Variants in SMAD2 observed in about 807,000 individuals in gnomAD.
The protein encoded by SMAD2 is MAD homolog 2.
Under a neutral mutation model 64.4 loss-of-function variants are expected in SMAD2, and 8 were observed. The observed-to-expected ratio is 0.12, with a 90% CI of 0.07 to 0.22. The LOEUF (loss-of-function observed/expected upper bound fraction) is 0.22. SMAD2 is among the 10% of genes least tolerant of loss of function. The probability of loss-of-function intolerance (pLI) is 1.00; values close to 1 mark genes in which losing one functional copy is unlikely to be tolerated. For missense variants in SMAD2, 289 were observed against 561.2 expected, an observed-to-expected ratio of 0.51 and a Z score of 4.90; for synonymous variants, 203 against 195.8, an observed-to-expected ratio of 1.04 and a Z score of -0.31.
chr18:47,855,135 A>C (rs1163816611), intron 6 of SMAD2, among the ~76,000 whole-genome samples: 1 of 152,226 alleles, frequency 6.6e-6, no homozygotes, highest in Admixed American at 6.5e-5. Flanking sequence ...AAACTGACTT[A>C]AGCAAAATAA....
chr18:47,881,909 G>C (rs941783531), intron 2 of SMAD2, among the ~76,000 whole-genome samples: 2 of 151,978 alleles, frequency 1.3e-5, no homozygotes, highest in African/African-American at 4.8e-5. Context: ...ACAGGGTCTT[G>C]CTCTGTCACC....
In SMAD2 at chr18:47,830,030, CACT is replaced by C. The variant is rs1368404085; in HGVS notation, c.*11794_*11796del. 1 of 152,138 alleles carries C rather than the reference CACT, an allele frequency of 6.6e-6. No homozygotes were observed. 9.4% of individuals were successfully genotyped at this position (152,138 alleles called of 1,614,324 possible). ...CAAGAATCCACAGTGGTTTGCAGGC[CACT>C]AATTCTTTTACAGATGAAAGCATTC... On this transcript the variant is annotated 3_prime_UTR_variant, in exon 11 of 11. Transcript: ENST00000262160.
Position 47,896,605 on chromosome 18 carries a change from T to G in SMAD2, c.152A>C (p.Lys51Thr). 6.2e-7 allele frequency: 1 copy of G among 1,614,192 alleles called. No individual in the cohort carries two copies. Among genetic ancestry groups the G allele is most frequent in the Non-Finnish European group, 8.5e-7 (1 of 1,180,018 alleles). ...ATCTAATCGTCCTGTTTTCTTTAGC[T>G]TCTTCACCAGACTTTTCACTGCTTT... The part of the protein sequence containing the change: ...CEKAVKSLVK[K>T]LKKTGRLDEL... Residue 51 changes from lysine (K) to threonine (T), a missense_variant, in exon 2 of 11, where the codon AAG becomes ACG. Coordinates refer to ENST00000262160, the MANE Select transcript of SMAD2 (RefSeq NM_005901.6).
At chr18:47,885,130 TATACACACACACACACAC>T (rs1434193983) in intron 2 of SMAD2, among the ~76,000 whole-genome samples, 5 of 64,272 alleles carry the variant, frequency 7.8e-5, no homozygotes, top group East Asian at 4.2e-4. Context: ...GATTTAGTCA[TATACACACACACACACAC>T]ACACACACAC....
At chr18:47,886,131 C>T (rs1256251013) in intron 2 of SMAD2, among the ~76,000 whole-genome samples, 2 of 152,172 alleles carry the variant, frequency 1.3e-5, no homozygotes, top group East Asian at 3.8e-4. Context: ...GATTACAATA[C>T]AGAATGTGAT....
In SMAD2 at chr18:47,830,924, G is replaced by A. The variant is rs1318523042; in HGVS notation, c.*10903C>T. 1 of 152,602 alleles carries A rather than the reference G, an allele frequency of 6.6e-6. No individual in the cohort carries two copies. Among genetic ancestry groups the A allele is most frequent in the Non-Finnish European group, 1.5e-5 (1 of 68,390 alleles). The allele number at this position is 152,602 out of a possible 1,614,324, so 9.5% of individuals were successfully genotyped here. A position where few individuals can be genotyped will look rare whatever the true frequency, so the allele number is the denominator to read the frequency against. ...GGCTTCTCTAGATGAATCATCTTTG[G>A]CTGTGAGCAAAAAAGTTAACTAAGT... On this transcript the variant is annotated 3_prime_UTR_variant, in exon 11 of 11. Coordinates refer to ENST00000262160, the MANE Select transcript of SMAD2 (RefSeq NM_005901.6).
rs1206059837 is a variant in SMAD2, at chr18:47,821,736, T to A, written c.*20091A>T. On this transcript the variant is annotated 3_prime_UTR_variant, in exon 11 of 11. Coordinates refer to ENST00000262160, the MANE Select transcript of SMAD2 (RefSeq NM_005901.6). ...GGCCTAAGAAAAATTTTATGTTCTA[T>A]CAAGATAAATTCTTGTGTTTAAGTT... 31 of 152,144 alleles carry A rather than the reference T, an allele frequency of 2.0e-4. No homozygotes were observed. Among genetic ancestry groups the A allele is most frequent in the Non-Finnish European group, 2.9e-5 (2 of 68,002 alleles). 9.4% of individuals were successfully genotyped at this position (152,144 alleles called of 1,614,324 possible). A position where few individuals can be genotyped will look rare whatever the true frequency, so the allele number is the denominator to read the frequency against.
At chr18:47,916,295 TAG>T (rs1261929002) in intron 1 of SMAD2, among the ~76,000 whole-genome samples, 1 of 152,230 alleles carries the variant, frequency 6.6e-6, no homozygotes, top group Non-Finnish European at 1.5e-5. Flanking sequence ...TGTATAAGAT[TAG>T]AGTTAATCCC....
At chr18:47,877,623 T>C (rs933112124) in intron 2 of SMAD2, among the ~76,000 whole-genome samples, 10 of 152,176 alleles carry the variant, frequency 6.6e-5, no homozygotes, top group South Asian at 2.1e-4. Context: ...TGTGACTACT[T>C]TGATTAAACT....
chr18:47,850,954 T>G (rs1026368802), intron 7 of SMAD2, among the ~76,000 whole-genome samples: 1 of 138,694 alleles, frequency 7.2e-6, no homozygotes, highest in Non-Finnish European at 1.5e-5. Flanking sequence ...ACATACCTTT[T>G]ATTAATTACA....
At chr18:47,856,857 T>A (rs1226428419) in intron 6 of SMAD2, among the ~76,000 whole-genome samples, 1 of 145,782 alleles carries the variant, frequency 6.9e-6, no homozygotes, top group Admixed American at 6.8e-5. Context: ...TATGCTAATT[T>A]TTTTTTTTTT....
chr18:47,863,302 T>C (rs538553057), intron 6 of SMAD2, among the ~76,000 whole-genome samples: 1 of 112,334 alleles, frequency 8.9e-6, no homozygotes, highest in East Asian at 4.0e-4. Context: ...ATATTCCCAT[T>C]GCCATACAGT....
Position 47,826,093 on chromosome 18 carries a change from A to ATAG in SMAD2, c.*15733_*15734insCTA, listed in dbSNP as rs1279748004. On this transcript the variant is annotated 3_prime_UTR_variant, in exon 11 of 11. Coordinates refer to ENST00000262160, the MANE Select transcript of SMAD2 (RefSeq NM_005901.6). ...TGTGATAATGGCCAGGAGCAACCAC[A>ATAG]ATGATTAACCTTTAGATAGAAAACA... The ATAG allele has an allele frequency of 6.6e-6, 1 of 152,236 alleles. No homozygotes were observed. Among genetic ancestry groups the ATAG allele is most frequent in the Non-Finnish European group, 1.5e-5 (1 of 68,052 alleles). 9.4% of individuals were successfully genotyped at this position (152,236 alleles called of 1,614,324 possible).
At chr18:47,869,867 AT>A (rs2031826359) in intron 3 of SMAD2, among the ~76,000 whole-genome samples, 1 of 152,172 alleles carries the variant, frequency 6.6e-6, no homozygotes, top group African/African-American at 2.4e-5. Context: ...ACCAACAATG[AT>A]GTGATAGTAA....
chr18:47,860,650 C>T (rs2031104966), intron 6 of SMAD2, among the ~76,000 whole-genome samples: 1 of 151,954 alleles, frequency 6.6e-6, no homozygotes, highest in Non-Finnish European at 1.5e-5. Flanking sequence ...AGGAGAAAGC[C>T]CTTTCCAACA....
chr18:47,903,825 C>T (rs1471494626), intron 1 of SMAD2, among the ~76,000 whole-genome samples: 3 of 127,658 alleles, frequency 2.4e-5, no homozygotes, highest in Non-Finnish European at 3.1e-5. Context: ...AACTTGAAGA[C>T]AGGCCAAATT....
At chr18:47,872,723 A>T (rs2032014581) in intron 2 of SMAD2, among the ~76,000 whole-genome samples, 1 of 151,944 alleles carries the variant, frequency 6.6e-6, no homozygotes, top group South Asian at 2.1e-4. Context: ...TAGGCTGGGC[A>T]CTCCTTAAGA....
Position 47,830,899 on chromosome 18 carries a change from G to A in SMAD2, c.*10928C>T, listed in dbSNP as rs1193400546. ...TACAAAACTCTGCTAAAATTCCAATGGCTTCTCTAGATGAATCATCTTTGG... is the reference window on the plus strand; with the variant it reads ...TACAAAACTCTGCTAAAATTCCAATAGCTTCTCTAGATGAATCATCTTTGG... On this transcript the variant is annotated 3_prime_UTR_variant, in exon 11 of 11. Transcript: ENST00000262160. The A allele has an allele frequency of 1.3e-5, 2 of 153,958 alleles. No homozygotes were observed. The highest frequency in any genetic ancestry group is 2.4e-5 in the African/African-American group (1 of 41,468). The allele number at this position is 153,958 out of a possible 1,614,324, so 9.5% of individuals were successfully genotyped here.
rs116403165 is a variant in SMAD2 at position 47,881,303 on chromosome 18, C to G, written c.237-10739G>C. Among the ~76,000 whole-genome samples, 285 of 152,266 alleles carry G rather than the reference C, an allele frequency of 1.9e-3. 1 individual carries two copies. The highest frequency in any genetic ancestry group is 6.3e-3 in the African/African-American group (260 of 41,542). On this transcript the variant is annotated intron_variant, in intron 2 of 10. Coordinates refer to ENST00000262160, the MANE Select transcript of SMAD2 (RefSeq NM_005901.6). Reference sequence around the variant, plus strand: ...CTCAGCAAGGTTTCAGCATTTTAAGCAGAGGTCATTGTGTGTGTGTGTTTA... The same window carrying G: ...CTCAGCAAGGTTTCAGCATTTTAAGGAGAGGTCATTGTGTGTGTGTGTTTA...
Sources: allele counts gnomAD v4.1 joint callset (sites outside exome capture counted in the v4.1 genomes callset), GRCh38; gene constraint gnomAD v4.1.1; transcripts MANE v1.5; gene names NCBI Gene and HGNC (gene_info 2026-07-23, HGNC 2026-07-21).